Variants in STK32C observed in about 807,000 individuals in gnomAD.
STK32C encodes the protein serine/threonine-protein kinase 32C.
Under a neutral mutation model 56.5 loss-of-function variants are expected in STK32C, and 31 were observed. The ratio of observed to expected loss-of-function variants is 0.55; its 90% CI spans 0.41 to 0.74. The LOEUF is 0.74. Among genes scored for constraint, STK32C ranks in the 30% least tolerant of loss-of-function variants. The probability of loss-of-function intolerance (pLI) is 0.00; values close to 1 mark genes in which losing one functional copy is unlikely to be tolerated. For missense variants in STK32C, 544 were observed against 676.9 expected (o/e 0.80, Z 2.18); for synonymous variants, 309 against 289.4 (o/e 1.07, Z -0.69).
At chr10:132,301,597 C>T (rs2065912773) in intron 1 of STK32C, among the ~76,000 whole-genome samples, 1 of 152,224 alleles carries the variant, frequency 6.6e-6, no homozygotes, top group African/African-American at 2.4e-5. Context: ...CCAGTGGACA[C>T]ACCAGACTAC....
chr10:132,330,380 C>T (rs1047873544), intron 1 of STK32C: 5 of 708,392 alleles, frequency 7.1e-6, no homozygotes, highest in African/African-American at 5.3e-5. Flanking sequence ...CCATCCCCTT[C>T]GCCACTCACG....
intron 2 of STK32C, among the ~76,000 whole-genome samples, chr10:132,244,434 C>A (rs530924227): frequency 2.0e-5 from 3 of 152,324 alleles, no homozygotes; most frequent in South Asian, 4.1e-4. Flanking sequence ...AAGGAGGGGA[C>A]CATCCCCAGG....
At chr10:132,296,371 C>T (rs2065746806) in intron 1 of STK32C, among the ~76,000 whole-genome samples, 1 of 152,016 alleles carries the variant, frequency 6.6e-6, no homozygotes, top group Non-Finnish European at 1.5e-5. Flanking sequence ...CTTCAGTTCA[C>T]AACGAGGTAT....
At chr10:132,315,811 C>G (rs2066299618) in intron 1 of STK32C, among the ~76,000 whole-genome samples, 1 of 152,046 alleles carries the variant, frequency 6.6e-6, no homozygotes, top group Non-Finnish European at 1.5e-5. Context: ...GATGTCATAT[C>G]CTGAAACAAA....
At position 132,224,485 on chromosome 10, in the gene STK32C, G is replaced by A. The variant is rs1217267215; in HGVS notation, c.915C>T (p.Ser305=). ...YDIHSSNAVE[S]LVQLFSTVSV... is the part of the protein sequence containing the mutation. Reference sequence around the variant, plus strand: ...TCACGGTGCTGAACAGCTGCACCAGGGACTCCACGGCGTTGCTGGAGTGGA... The same window carrying A: ...TCACGGTGCTGAACAGCTGCACCAGAGACTCCACGGCGTTGCTGGAGTGGA... The change falls in exon 8 of 12, where the codon TCC becomes TCT. Residue 305 remains serine, a synonymous_variant. Transcript: ENST00000298630. 1.9e-6 allele frequency: 3 copies of A among 1,586,572 alleles called. No individual in the cohort carries two copies. Among genetic ancestry groups the A allele is most frequent in the African/African-American group, 2.7e-5 (2 of 74,568 alleles).
At position 132,307,456 on chromosome 10, in the gene STK32C, G is replaced by A. The variant is rs1407345664; in HGVS notation, c.262+116C>T. 8.4e-7 allele frequency: 1 copy of A among 1,189,702 alleles called. No homozygotes were observed. The highest frequency in any genetic ancestry group is 1.1e-6 in the Non-Finnish European group (1 of 912,138). The allele number at this position is 1,189,702 out of a possible 1,614,324, so 73.7% of individuals were successfully genotyped here. ...GGCGCGAGCTTCTCCGGAAGCCGGG[G>A]CGCCCCGGGAAGCCGTCCCGGACAC... On this transcript the variant is annotated intron_variant, in intron 1 of 11. Coordinates refer to ENST00000298630, the MANE Select transcript of STK32C (RefSeq NM_173575.4). The surrounding 1 kb of genome is among the most constrained non-coding windows in gnomAD (Gnocchi z 4.4).
At chr10:132,210,539 T>G (rs1229633720) in intron 10 of STK32C, among the ~76,000 whole-genome samples, 1 of 152,244 alleles carries the variant, frequency 6.6e-6, no homozygotes, top group East Asian at 1.9e-4. Context: ...TGAGCCACCA[T>G]GCCTGGCCCT....
At chr10:132,211,308 C>T (rs932615254) in intron 10 of STK32C, among the ~76,000 whole-genome samples, 6 of 152,126 alleles carry the variant, frequency 3.9e-5, no homozygotes, top group Non-Finnish European at 7.3e-5. Flanking sequence ...CTGCGATTCA[C>T]AGCGACACAA....
intron 1 of STK32C, among the ~76,000 whole-genome samples, chr10:132,286,761 G>T (rs2065416870): frequency 6.6e-6 from 1 of 152,178 alleles, no homozygotes; most frequent in African/African-American, 2.4e-5. Context: ...TCCTCTACCT[G>T]ATAAAAAGCA....
At chr10:132,262,557 C>T (rs2064338079) in intron 1 of STK32C, among the ~76,000 whole-genome samples, 1 of 152,082 alleles carries the variant, frequency 6.6e-6, no homozygotes, top group Non-Finnish European at 1.5e-5. Flanking sequence ...GTTCTAATAA[C>T]CAGAATCTAC....
At position 132,307,482 on chromosome 10, in the gene STK32C, CG is replaced by C. The variant is rs1247702737; in HGVS notation, c.262+89del. ...CGCCCCGGGAAGCCGTCCCGGACACCGGGGGAACCCCTGCGGGAAAAAGCCG... is the reference window on the plus strand; with the variant it reads ...CGCCCCGGGAAGCCGTCCCGGACACCGGGGAACCCCTGCGGGAAAAAGCCG... On this transcript the variant is annotated intron_variant, in intron 1 of 11. Coordinates refer to ENST00000298630, the MANE Select transcript of STK32C (RefSeq NM_173575.4). This position sits in a 1 kb window ranked among gnomAD's most constrained non-coding sequence, Gnocchi z 4.4. The C allele has an allele frequency of 5.5e-5, 75 of 1,376,126 alleles. No individual in the cohort carries two copies. The highest frequency in any genetic ancestry group is 6.5e-5 in the Non-Finnish European group (68 of 1,049,440). The allele number at this position is 1,376,126 out of a possible 1,614,324, so 85.2% of individuals were successfully genotyped here.
chr10:132,282,187 G>A (rs2065233250), intron 1 of STK32C, among the ~76,000 whole-genome samples: 1 of 152,156 alleles, frequency 6.6e-6, no homozygotes, highest in Non-Finnish European at 1.5e-5. Context: ...CCCAGTGCAG[G>A]ACCAAGGTGC....
intron 1 of STK32C, among the ~76,000 whole-genome samples, chr10:132,259,808 C>T (rs1194416660): frequency 1.3e-5 from 2 of 152,228 alleles, no homozygotes; most frequent in Non-Finnish European, 2.9e-5. Flanking sequence ...CATTCCGGAG[C>T]GGCCCCTGCA....
At chr10:132,216,333 G>A (rs772633012) in intron 10 of STK32C, among the ~76,000 whole-genome samples, 4 of 152,002 alleles carry the variant, frequency 2.6e-5, no homozygotes, top group African/African-American at 4.8e-5. Context: ...GTGTGGTGGT[G>A]CGTGCCTGTA....
chr10:132,243,190 TG>T (rs1049800342), intron 2 of STK32C, among the ~76,000 whole-genome samples: 65 of 152,358 alleles, frequency 4.3e-4, no homozygotes, highest in African/African-American at 1.5e-3. Context: ...CCCCCATCTG[TG>T]GCTCCTGGGA....
At chr10:132,263,213 G>C (rs1025661182) in intron 1 of STK32C, among the ~76,000 whole-genome samples, 1 of 152,180 alleles carries the variant, frequency 6.6e-6, no homozygotes, top group South Asian at 2.1e-4. Context: ...CGGTGGACTG[G>C]ATAAAGAAAA....
Position 132,279,778 on chromosome 10 carries a change from T to C in STK32C, c.262+27794A>G, listed in dbSNP as rs1245669125. ...ACTGCACTCCGTGATCACGCCCCTG[T>C]ACTCGGTGATCACACCCCTGCATTC... On this transcript the variant is annotated intron_variant, in intron 1 of 11. Coordinates refer to ENST00000298630, the MANE Select transcript of STK32C (RefSeq NM_173575.4). 2.4e-3 allele frequency among the ~76,000 whole-genome samples: 245 copies of C among 100,104 alleles called. No individual in the cohort carries two copies. In the Middle Eastern group the frequency reaches 0.025, roughly 10 times the overall value. The allele number at this position is 100,104 out of a possible 152,430, so 65.7% of individuals were successfully genotyped here.
At position 132,222,667 on chromosome 10, in the gene STK32C, C is replaced by T. The variant is rs369977311; in HGVS notation, c.1225G>A (p.Asp409Asn). The change falls in exon 10 of 12, where the codon GAC (aspartate) becomes AAC (asparagine). Residue 409 changes from aspartate (D) to asparagine (N), a missense_variant. Asp to Asn is a conservative substitution (Grantham distance 23, BLOSUM62 1). Coordinates refer to ENST00000298630, the MANE Select transcript of STK32C (RefSeq NM_173575.4). ...GACTGGGAGCTGTCCCTGCTGTTGTCCCGGGACTTGTTCTTGGCCAGACGC... is the reference window on the plus strand; with the variant it reads ...GACTGGGAGCTGTCCCTGCTGTTGTTCCGGGACTTGTTCTTGGCCAGACGC... ...KKRLAKNKSRDNSRDSSQSEN... is the reference protein window; with the variant it reads ...KKRLAKNKSRNNSRDSSQSEN... 1 of 1,613,118 alleles carries T rather than the reference C, an allele frequency of 6.2e-7. No homozygotes were observed. Among genetic ancestry groups the T allele is most frequent in the Non-Finnish European group, 8.5e-7 (1 of 1,179,946 alleles).
rs574085921 is a variant in STK32C at position 132,301,022 on chromosome 10, C to T, written c.262+6550G>A. On this transcript the variant is annotated intron_variant, in intron 1 of 11. Coordinates refer to ENST00000298630, the MANE Select transcript of STK32C (RefSeq NM_173575.4). ...AAGGGAAATGACACCAAGTAGAAGG[C>T]CTGGTCGTCCACTAACGTGAGCCCA... 8.5e-5 allele frequency among the ~76,000 whole-genome samples: 13 copies of T among 152,226 alleles called. No individual in the cohort carries two copies. In the East Asian group the frequency reaches 2.5e-3, roughly 29 times the overall value.
Sources: allele counts gnomAD v4.1 joint callset (sites outside exome capture counted in the v4.1 genomes callset), GRCh38; gene constraint gnomAD v4.1.1; non-coding constraint Gnocchi (gnomAD v3.1); transcripts MANE v1.5; gene names NCBI Gene and HGNC (gene_info 2026-07-23, HGNC 2026-07-21).